The following ITSN2 variants were observed in gnomAD, a reference collection of about 807,000 sequenced individuals.
ITSN2 encodes intersectin-2.
A neutral mutation model predicts 243.7 loss-of-function variants in ITSN2; 156 were observed. The observed-to-expected ratio is 0.64, with a 90% CI of 0.56 to 0.73. ITSN2 has a LOEUF of 0.73. Ranked by LOEUF, ITSN2 falls within the 30% of genes least tolerant of loss-of-function variation. The pLI, the probability that ITSN2 is intolerant of heterozygous loss-of-function variation, is 0.00. For synonymous variants in ITSN2, 703 were observed against 699.9 expected (o/e 1.00, Z -0.07); for missense variants, 1,801 against 1,996.1 (o/e 0.90, Z 1.86).
intron 22 of ITSN2, among the ~76,000 whole-genome samples, chr2:24,259,594 T>G (rs1245176867): frequency 6.6e-6 from 1 of 152,196 alleles, no homozygotes; most frequent in East Asian, 1.9e-4. Context: ...TCTCCATGAA[T>G]CCTGTATTCC....
At position 24,248,610 on chromosome 2, in the gene ITSN2, G is replaced by A; in HGVS notation, c.3288+19C>T. ...TACTTTTATAATAAAATTTATAGAT[G>A]CTATTTAAAGAATATTACCTGTAAC... On this transcript the variant is annotated intron_variant, in intron 27 of 39. Transcript: ENST00000355123. The A allele has an allele frequency of 6.4e-7, 1 of 1,563,782 alleles. No homozygotes were observed.
rs532338837 is a variant in ITSN2 at position 24,240,995 on chromosome 2, C to G, written c.3577+5134G>C. ...CAAAGTAGCCAATATGGTTGAAGAA[C>G]AGGTATTAGAGAAGTCTGATGGTAA... On this transcript the variant is annotated intron_variant, in intron 29 of 39. Coordinates refer to ENST00000355123, the MANE Select transcript of ITSN2 (RefSeq NM_006277.3). 3.3e-5 allele frequency: 5 copies of G among 152,144 alleles called. No individual in the cohort carries two copies. The South Asian group carries it at 8.3e-4, about 25-fold the overall frequency. 9.4% of individuals were successfully genotyped at this position (152,144 alleles called of 1,614,324 possible). A position where few individuals can be genotyped will look rare whatever the true frequency, so the allele number is the denominator to read the frequency against.
At chr2:24,256,337 AT>A (rs1286881835) in intron 23 of ITSN2, among the ~76,000 whole-genome samples, 1 of 152,256 alleles carries the variant, frequency 6.6e-6, no homozygotes, top group African/African-American at 2.4e-5. Context: ...GTCTTTAAAG[AT>A]TATTTGGCTT....
At chr2:24,252,236 T>A (rs529463800) in intron 25 of ITSN2, 109 bp downstream of exon 25, 99 of 802,536 alleles carry the variant, frequency 1.2e-4, no homozygotes, top group Non-Finnish European at 4.1e-5. Context: ...ACATGATCTC[T>A]AAGTATAAAT....
Position 24,246,829 on chromosome 2 carries a change from C to T in ITSN2, c.3353G>A (p.Ser1118Asn), listed in dbSNP as rs1183373665. The T allele has an allele frequency of 6.2e-7, 1 of 1,613,034 alleles. No homozygotes were observed. The highest frequency in any genetic ancestry group is 1.1e-5 in the South Asian group (1 of 90,984). Residue 1118 changes from serine to asparagine, a missense_variant, in exon 28 of 40, where the codon AGT (serine) becomes AAT (asparagine). By Grantham distance (46) the Ser-to-Asn change is conservative (BLOSUM62 1). Transcript: ENST00000355123. ...AAAGGCAGGTGTGGCTCTTTCACTA[C>T]TTGGACCCAAAAGTTTAACATGACT... ...PASHVKLLGP[S>N]SERATPAFHP...
At chr2:24,239,929 G>A (rs189033194) in intron 29 of ITSN2, 1 of 152,146 alleles carries the variant, frequency 6.6e-6, no homozygotes, top group East Asian at 1.9e-4. Flanking sequence ...AAATACGCCA[G>A]TATATGATTT....
intron 17 of ITSN2, among the ~76,000 whole-genome samples, chr2:24,280,712 G>C (rs1678664103): frequency 6.6e-6 from 1 of 151,824 alleles, no homozygotes; most frequent in Admixed American, 6.6e-5. Flanking sequence ...TGCTTTTCTG[G>C]GGCTCCTACC....
chr2:24,324,976 A>T (rs749274980), intron 2 of ITSN2, among the ~76,000 whole-genome samples: 4 of 152,108 alleles, frequency 2.6e-5, no homozygotes, highest in Admixed American at 6.5e-5. Context: ...TATTATCATG[A>T]TTAATGTAAC....
intron 3 of ITSN2, among the ~76,000 whole-genome samples, chr2:24,314,632 T>G (rs190885440): frequency 6.6e-6 from 1 of 152,158 alleles, no homozygotes; most frequent in Non-Finnish European, 1.5e-5. Flanking sequence ...CTAAGCTACT[T>G]TGGCACAGAA....
chr2:24,203,593 G>A lies in ITSN2; in HGVS notation c.*33C>T. 1.3e-6 allele frequency: 2 copies of A among 1,599,304 alleles called. No individual in the cohort carries two copies. The highest frequency in any genetic ancestry group is 1.7e-6 in the Non-Finnish European group (2 of 1,171,652). ...TCTCATTCTCCAGCCCCAGCCTTGT[G>A]GGCTGTCCCGCTGGTGCTGTCCTTT... On this transcript the variant is annotated 3_prime_UTR_variant, in exon 40 of 40. Coordinates refer to ENST00000355123, the MANE Select transcript of ITSN2 (RefSeq NM_006277.3).
chr2:24,350,437 T>C (rs1687921673), intron 1 of ITSN2, among the ~76,000 whole-genome samples: 1 of 152,110 alleles, frequency 6.6e-6, no homozygotes, highest in East Asian at 1.9e-4. Context: ...ATGTTAAACA[T>C]AGGTTACCAT....
intron 1 of ITSN2, among the ~76,000 whole-genome samples, chr2:24,331,068 C>CTTT (rs1182993261): frequency 2.7e-5 from 3 of 111,768 alleles, no homozygotes; most frequent in African/African-American, 3.5e-5. Context: ...CACCCGGCCA[C>CTTT]TTTTTTTTTT....
At chr2:24,237,628 G>A (rs17046186) in intron 29 of ITSN2, among the ~76,000 whole-genome samples, 9,304 of 152,048 alleles carry the variant, frequency 0.061, 979 homozygotes, top group African/African-American at 0.21. Flanking sequence ...GCAGTTGGTG[G>A]CACCATTATC....
intron 1 of ITSN2, among the ~76,000 whole-genome samples, chr2:24,336,294 G>C (rs1001475580): frequency 4.6e-5 from 7 of 151,364 alleles, no homozygotes; most frequent in African/African-American, 1.7e-4. Context: ...TATCACCTGG[G>C]ATATTTACTA....
At chr2:24,224,631 T>C (rs114334141) in intron 29 of ITSN2, among the ~76,000 whole-genome samples, 1,320 of 127,710 alleles carry the variant, frequency 0.01, 12 homozygotes, top group Middle Eastern at 0.035. Flanking sequence ...ATGACGGCTC[T>C]TCAACTTTTT....
chr2:24,255,570 G>C lies in ITSN2; in HGVS notation c.2889-1139C>G, dbSNP rs185074253. ...TTGAACACAGGAGGTAGAAGTTGCA[G>C]TGAGCTGAGATTGTGCCACTGCATT... On this transcript the variant is annotated intron_variant, in intron 23 of 39. Coordinates refer to ENST00000355123, the MANE Select transcript of ITSN2 (RefSeq NM_006277.3). 1.7e-3 allele frequency among the ~76,000 whole-genome samples: 258 copies of C among 152,364 alleles called. 1 individual carries two copies. Among genetic ancestry groups the C allele is most frequent in the African/African-American group, 6.0e-3 (250 of 41,590 alleles).
chr2:24,210,627 A>G (rs1669377887), intron 34 of ITSN2, among the ~76,000 whole-genome samples, 153 bp downstream of exon 34: 2 of 151,504 alleles, frequency 1.3e-5, no homozygotes, highest in South Asian at 2.1e-4. Flanking sequence ...AAAAAAAAAA[A>G]AAAAAAAGAA....
intron 31 of ITSN2, among the ~76,000 whole-genome samples, chr2:24,217,360 C>A (rs1229821748): frequency 6.6e-6 from 1 of 152,104 alleles, no homozygotes; most frequent in Non-Finnish European, 1.5e-5. Flanking sequence ...CTTGGTTGAA[C>A]CAAGAAGGAA....
chr2:24,236,509 C>CA (rs1241394162), intron 29 of ITSN2, among the ~76,000 whole-genome samples: 1 of 151,662 alleles, frequency 6.6e-6, no homozygotes, highest in Non-Finnish European at 1.5e-5. Context: ...AAGCTGTTAC[C>CA]AAAAAAAGTG....
Sources: gnomAD v4.1 joint callset for allele counts (sites outside exome capture counted in the v4.1 genomes callset) on GRCh38, gnomAD v4.1.1 for gene constraint, MANE v1.5 for transcripts, NCBI Gene and HGNC (gene_info 2026-07-23, HGNC 2026-07-21) for gene names.